The following TJP3 variants were observed in gnomAD, a reference collection of about 807,000 sequenced individuals.
The protein encoded by TJP3 is tight junction protein ZO-3.
In TJP3, 85 loss-of-function variants were observed where a neutral mutation model predicts 104.2. The observed-to-expected ratio is 0.82, with a 90% CI of 0.68 to 0.98. TJP3 has a LOEUF of 0.98. TJP3 is among the 50% of genes least tolerant of loss of function. The probability of loss-of-function intolerance (pLI) is 0.00; values close to 1 mark genes in which losing one functional copy is unlikely to be tolerated. For missense variants in TJP3, 1,367 were observed against 1,322.8 expected (o/e 1.03, Z -0.52); for synonymous variants, 550 against 550.6 (o/e 1.00, Z 0.02).
chr19:3,738,680 A>G lies in TJP3; in HGVS notation c.1393+17A>G, dbSNP rs2145693740. The G allele has an allele frequency of 2.5e-6, 4 of 1,605,346 alleles. No individual in the cohort carries two copies. The highest frequency in any genetic ancestry group is 2.2e-5 in the South Asian group (2 of 90,680). ...AGCAGGACAGTGAGTGCGCGTGGATATGGGTGTGCCTGTGTGTTGCGGGGG... is the reference window on the plus strand; with the variant it reads ...AGCAGGACAGTGAGTGCGCGTGGATGTGGGTGTGCCTGTGTGTTGCGGGGG... On this transcript the variant is annotated intron_variant, in intron 12 of 20. Coordinates refer to ENST00000541714, the MANE Select transcript of TJP3 (RefSeq NM_001267560.2).
intron 1 of TJP3, among the ~76,000 whole-genome samples, chr19:3,723,961 G>A (rs1161743881): frequency 5.9e-5 from 9 of 152,118 alleles, no homozygotes; most frequent in East Asian, 3.9e-4. Flanking sequence ...CAGGAATCCC[G>A]TGAAACATGT....
At chr19:3,729,883 G>T in intron 3 of TJP3, 145 bp from the exon 4 acceptor site, 1 of 639,704 alleles carries the variant, frequency 1.6e-6, no homozygotes. Context: ...AAGGATAAAT[G>T]TCTTTGTGAA....
chr19:3,733,003 C>A (rs368613411), intron 6 of TJP3, among the ~76,000 whole-genome samples: 1 of 147,344 alleles, frequency 6.8e-6, no homozygotes, highest in Non-Finnish European at 1.5e-5. Context: ...TGACTGTTTT[C>A]TTTTCTCTTT....
rs566621860 is a variant in TJP3, at chr19:3,749,303, C to T, written c.2611-835C>T. On this transcript the variant is annotated intron_variant, in intron 19 of 20. Transcript: ENST00000541714. ...CCCAAGTTTTGGCACATAGTAGTTGCGTGTCTTTTTGAACTTGACCTATCT... is the reference window on the plus strand; with the variant it reads ...CCCAAGTTTTGGCACATAGTAGTTGTGTGTCTTTTTGAACTTGACCTATCT... 3.9e-5 allele frequency among the ~76,000 whole-genome samples: 6 copies of T among 152,092 alleles called. No homozygotes were observed. The East Asian group carries it at 5.8e-4, about 15-fold the overall frequency.
At chr19:3,721,577 C>T (rs756131963) in intron 1 of TJP3, 67 of 229,604 alleles carry the variant, frequency 2.9e-4, no homozygotes, top group Non-Finnish European at 4.4e-4. Context: ...CGGCCGCCGG[C>T]CCCCTCTCGG....
At chr19:3,737,588 CT>C (rs1272337124) in intron 11 of TJP3, among the ~76,000 whole-genome samples, 2 of 152,120 alleles carry the variant, frequency 1.3e-5, no homozygotes, top group African/African-American at 4.8e-5. Flanking sequence ...GCTGTCTCCC[CT>C]GTCCCTTGCG....
At chr19:3,718,485 G>A (rs2036512488) in intron 1 of TJP3, among the ~76,000 whole-genome samples, 1 of 150,334 alleles carries the variant, frequency 6.7e-6, no homozygotes, top group African/African-American at 2.4e-5. Flanking sequence ...TGGGGGGCGG[G>A]GTGGACAGGG....
chr19:3,728,698 C>A lies in TJP3; in HGVS notation c.143C>A (p.Ala48Glu). Residue 48 changes from alanine to glutamate, a missense_variant, in exon 3 of 21, where the codon GCG (alanine) becomes GAG (glutamate). Ala to Glu is a moderately radical substitution (Grantham distance 107). Transcript: ENST00000541714. ...VVSDVVPGGP[A>E]EGRLQTGDHI... ...TCTGACGTGGTACCTGGAGGGCCGGCGGAGGGCAGGCTACAGTGAGTATCC... is the reference window on the plus strand; with the variant it reads ...TCTGACGTGGTACCTGGAGGGCCGGAGGAGGGCAGGCTACAGTGAGTATCC... The A allele has an allele frequency of 1.2e-6, 2 of 1,613,510 alleles. No homozygotes were observed. Among genetic ancestry groups the A allele is most frequent in the Non-Finnish European group, 8.5e-7 (1 of 1,179,954 alleles).
At chr19:3,715,873 G>A (rs2036472251) in intron 1 of TJP3, among the ~76,000 whole-genome samples, 1 of 151,980 alleles carries the variant, frequency 6.6e-6, no homozygotes, top group Non-Finnish European at 1.5e-5. Context: ...CTGCCTCCTG[G>A]GTTCAAGCAA....
rs182567708 is a variant in TJP3 at position 3,729,429 on chromosome 19, A to T, written c.159-599A>T. On this transcript the variant is annotated intron_variant, in intron 3 of 20. Transcript: ENST00000541714. ...ACAGACAGGAAGAGAGGGAAAGAAA[A>T]GCAGAAAGTGGGGATTTGTGGTGTG... is the stretch of plus-strand genomic sequence containing the variant. Among the ~76,000 whole-genome samples, 210 of 152,276 alleles carry T rather than the reference A, an allele frequency of 1.4e-3. 1 individual carries two copies. The highest frequency in any genetic ancestry group is 2.3e-3 in the Non-Finnish European group (156 of 68,026).
intron 19 of TJP3, 127 bp from the exon 20 acceptor site, chr19:3,750,011 G>A (rs755947303): frequency 3.3e-5 from 40 of 1,208,904 alleles, no homozygotes; most frequent in Admixed American, 9.1e-5. Flanking sequence ...CTGCAGACTT[G>A]TCACGGGGTT....
intron 1 of TJP3, among the ~76,000 whole-genome samples, chr19:3,719,333 T>C (rs1185227978): frequency 1.3e-5 from 2 of 152,146 alleles, no homozygotes; most frequent in African/African-American, 2.4e-5. Flanking sequence ...ATGGTGTTTC[T>C]ACATTGGCTC....
In TJP3 at chr19:3,730,012, C is replaced by T. The variant is rs201797549; in HGVS notation, c.159-16C>T. 300 of 1,611,108 alleles carry T rather than the reference C, an allele frequency of 1.9e-4. 3 individuals are homozygous for T. In the East Asian group the frequency reaches 2.2e-3, roughly 12 times the overall value. ...CCTGCAAAGCCTCCTCCGTAAGACC[C>T]GCCCTCCTCTCTCAGGACAGGCGAC... is the stretch of plus-strand genomic sequence containing the variant. On this transcript the variant is annotated splice_polypyrimidine_tract_variant and intron_variant, in intron 3 of 20. Transcript: ENST00000541714. This position sits in a 1 kb window ranked among gnomAD's most constrained non-coding sequence, Gnocchi z 7.3.
At position 3,747,909 on chromosome 19, in the gene TJP3, G is replaced by A. The variant is rs2036923123; in HGVS notation, c.2438G>A (p.Gly813Asp). ...VNSDYETDGE[G>D]GAYTDGEGYT... Reference sequence around the variant, plus strand: ...AGCGACTACGAGACGGACGGCGAGGGCGGCGCGTACACGGATGGCGAGGGC... The same window carrying A: ...AGCGACTACGAGACGGACGGCGAGGACGGCGCGTACACGGATGGCGAGGGC... The change falls in exon 19 of 21, where the codon GGC (glycine) becomes GAC (aspartate). Residue 813 changes from glycine (G) to aspartate (D), a missense_variant. Transcript: ENST00000541714. The A allele has an allele frequency of 2.5e-6, 4 of 1,613,164 alleles. No homozygotes were observed. Among genetic ancestry groups the A allele is most frequent in the African/African-American group, 2.7e-5 (2 of 74,928 alleles).
intron 15 of TJP3, among the ~76,000 whole-genome samples, 178 bp from the exon 16 acceptor site, chr19:3,745,833 G>C (rs555911236): frequency 3.3e-5 from 5 of 152,324 alleles, no homozygotes; most frequent in African/African-American, 1.2e-4. Flanking sequence ...GGTCAGGAGG[G>C]GATGTGAGTG....
intron 3 of TJP3, among the ~76,000 whole-genome samples, chr19:3,729,769 G>C (rs1236477589): frequency 7.6e-6 from 1 of 132,050 alleles, no homozygotes; most frequent in South Asian, 2.6e-4. Flanking sequence ...GCAACAGAGT[G>C]AGACTCTGTC....
rs562675004 is a variant in TJP3 at position 3,749,675 on chromosome 19, G to A, written c.2611-463G>A. 8 of 164,542 alleles carry A rather than the reference G, an allele frequency of 4.9e-5. No homozygotes were observed. The South Asian group carries it at 1.3e-3, about 27-fold the overall frequency. The allele number at this position is 164,542 out of a possible 1,614,324, so 10.2% of individuals were successfully genotyped here. A position where few individuals can be genotyped will look rare whatever the true frequency, so the allele number is the denominator to read the frequency against. On this transcript the variant is annotated intron_variant, in intron 19 of 20. Coordinates refer to ENST00000541714, the MANE Select transcript of TJP3 (RefSeq NM_001267560.2). ...TTGGGTGTTTAACAGTAACAAATGT[G>A]TATGTAGCTCTTAGTGTATATGCCT...
At chr19:3,731,218 C>T (rs1270863463) in intron 5 of TJP3, among the ~76,000 whole-genome samples, 1 of 152,156 alleles carries the variant, frequency 6.6e-6, no homozygotes. Context: ...TCCCCGGGAC[C>T]TCTGTTTAGG....
At chr19:3,731,755 G>A (rs8101518) in intron 5 of TJP3, among the ~76,000 whole-genome samples, 180 bp from the exon 6 acceptor site, 25,505 of 152,200 alleles carry the variant, frequency 0.17, 2,398 homozygotes, top group Non-Finnish European at 0.22. Context: ...TCCCCGCCCC[G>A]TGGAGATGTC....
Sources: allele counts gnomAD v4.1 joint callset (sites outside exome capture counted in the v4.1 genomes callset), GRCh38; gene constraint gnomAD v4.1.1; non-coding constraint Gnocchi (gnomAD v3.1); transcripts MANE v1.5; gene names NCBI Gene and HGNC (gene_info 2026-07-23, HGNC 2026-07-21).